The following ZNF471 variants were observed in gnomAD, a reference collection of about 807,000 sequenced individuals.
ZNF471 encodes the protein zinc finger protein 471.
Under a neutral mutation model 13.7 loss-of-function variants are expected in ZNF471, and 7 were observed. The ratio of observed to expected loss-of-function variants is 0.51; its 90% CI spans 0.29 to 0.96. The LOEUF is 0.96. ZNF471 is among the 40% of genes least tolerant of loss of function. The pLI is 0.08. For missense variants in ZNF471, 663 were observed against 743.3 expected (o/e 0.89, Z 1.26); for synonymous variants, 218 against 235.6 (o/e 0.93, Z 0.68).
intron 4 of ZNF471, among the ~76,000 whole-genome samples, chr19:56,523,114 G>A (rs1009636274): frequency 3.3e-5 from 5 of 152,180 alleles, no homozygotes; most frequent in Middle Eastern, 3.2e-3. Context: ...AAAGTTACTC[G>A]TGGTAGTAAA....
chr19:56,521,638 CAAAAAAAAAA>C (rs372849279), intron 4 of ZNF471, among the ~76,000 whole-genome samples: 2 of 82,102 alleles, frequency 2.4e-5, no homozygotes, highest in African/African-American at 4.7e-5. Context: ...GACTCTGTCT[CAAAAAAAAAA>C]AAAAAAAAAA....
intron 3 of ZNF471, among the ~76,000 whole-genome samples, chr19:56,517,298 ATT>A (rs57499065): frequency 0.27 from 27,392 of 100,420 alleles, 2,759 homozygotes; most frequent in East Asian, 0.44. Context: ...CACCCAGCTA[ATT>A]TTTTTTTTTT....
Position 56,529,494 on chromosome 19 carries a change from C to T in ZNF471, c.*3546C>T, listed in dbSNP as rs371933899. The T allele has an allele frequency of 6.6e-6, 1 of 152,240 alleles. No individual in the cohort carries two copies. Among genetic ancestry groups the T allele is most frequent in the East Asian group, 1.9e-4 (1 of 5,182 alleles). The allele number at this position is 152,240 out of a possible 1,614,324, so 9.4% of individuals were successfully genotyped here. On this transcript the variant is annotated 3_prime_UTR_variant, in exon 5 of 5. Transcript: ENST00000308031. The stretch of plus-strand genomic sequence containing the variant: ...GACAGGACTGTGTAGAAGATTTAAA[C>T]CTTTTTCATGGCGTAAGATACTGTA...
chr19:56,508,207 G>C lies in ZNF471; in HGVS notation c.-56+287G>C, dbSNP rs1373115820. 2.8e-5 allele frequency: 27 copies of C among 975,452 alleles called. No individual in the cohort carries two copies. Among genetic ancestry groups the C allele is most frequent in the Non-Finnish European group, 3.2e-5 (26 of 825,010 alleles). The allele number at this position is 975,452 out of a possible 1,614,324, so 60.4% of individuals were successfully genotyped here. A position where few individuals can be genotyped will look rare whatever the true frequency, so the allele number is the denominator to read the frequency against. On this transcript the variant is annotated intron_variant, in intron 1 of 4. Transcript: ENST00000308031. This position sits in a 1 kb window ranked among gnomAD's most constrained non-coding sequence, Gnocchi z 4.7. ...TGTAAAAGATCTGTCAGAGTGTGAG[G>C]CTCCGTGAGAGGGTGTGGTTTCTGT...
intron 3 of ZNF471, 80 bp from the exon 4 acceptor site, chr19:56,518,402 C>A: frequency 9.7e-7 from 1 of 1,025,770 alleles, no homozygotes. Flanking sequence ...TATATCATTC[C>A]ACCAGAATTA....
intron 2 of ZNF471, among the ~76,000 whole-genome samples, chr19:56,514,152 CT>C (rs1431993077): frequency 3.4e-5 from 5 of 148,384 alleles, no homozygotes; most frequent in African/African-American, 1.2e-4. Flanking sequence ...TAACCTGCCT[CT>C]CCAGTTCAAG....
rs1303566078 is a variant in ZNF471, at chr19:56,525,085, C to A, written c.1018C>A (p.His340Asn). 1 of 1,613,894 alleles carries A rather than the reference C, an allele frequency of 6.2e-7. No homozygotes were observed. Among genetic ancestry groups the A allele is most frequent in the Admixed American group, 1.7e-5 (1 of 60,012 alleles). The change falls in exon 5 of 5, where the codon CAC becomes AAC. Residue 340 changes from histidine (H) to asparagine (N), a missense_variant. Transcript: ENST00000308031. ...GSSFARHQRCHTGKRPYECIE... is the reference protein window; with the variant it reads ...GSSFARHQRCNTGKRPYECIE... ...GTCTTTTGCTCGACATCAGAGATGT[C>A]ACACTGGCAAAAGACCCTATGAATG...
intron 1 of ZNF471, among the ~76,000 whole-genome samples, chr19:56,509,525 G>A (rs990090501): frequency 6.6e-6 from 1 of 152,304 alleles, no homozygotes. Context: ...AAACAACCTG[G>A]GGTTTGCAAC....
chr19:56,512,614 A>T (rs904647361), intron 2 of ZNF471, among the ~76,000 whole-genome samples: 3 of 143,214 alleles, frequency 2.1e-5, no homozygotes, highest in African/African-American at 7.7e-5. Context: ...TATATCATGC[A>T]CTAAATTCCT....
At position 56,510,899 on chromosome 19, in the gene ZNF471, G is replaced by A. The variant is rs986347890; in HGVS notation, c.-55-618G>A. On this transcript the variant is annotated intron_variant, in intron 1 of 4. Coordinates refer to ENST00000308031, the MANE Select transcript of ZNF471 (RefSeq NM_020813.4). This position sits in a 1 kb window ranked among gnomAD's most constrained non-coding sequence, Gnocchi z 4.3. The stretch of plus-strand genomic sequence containing the variant: ...ACACCCTCACTTCTGTGTGACAGGA[G>A]GGTAATTAAGGGGCTGGGACAGAGG... 35 of 985,430 alleles carry A rather than the reference G, an allele frequency of 3.6e-5. No homozygotes were observed. The highest frequency in any genetic ancestry group is 4.0e-5 in the Non-Finnish European group (33 of 830,006). 61.0% of individuals were successfully genotyped at this position (985,430 alleles called of 1,614,324 possible).
intron 1 of ZNF471, chr19:56,509,659 G>A: frequency 6.2e-6 from 1 of 160,872 alleles, no homozygotes; most frequent in East Asian, 1.9e-4. Flanking sequence ...GGTATTCACT[G>A]GGTTGCCCTA....
chr19:56,516,498 A>G lies in ZNF471; in HGVS notation c.160+97A>G. The G allele has an allele frequency of 1.7e-6, 2 of 1,148,926 alleles. No homozygotes were observed. Among genetic ancestry groups the G allele is most frequent in the Non-Finnish European group, 2.4e-6 (2 of 823,798 alleles). The allele number at this position is 1,148,926 out of a possible 1,614,324, so 71.2% of individuals were successfully genotyped here. ...TTTATTATATGTAGGTCAGAATGGAATTTGGGAATGGAATCTGAGAAACAG... is the reference window on the plus strand; with the variant it reads ...TTTATTATATGTAGGTCAGAATGGAGTTTGGGAATGGAATCTGAGAAACAG... On this transcript the variant is annotated intron_variant, in intron 3 of 4. Coordinates refer to ENST00000308031, the MANE Select transcript of ZNF471 (RefSeq NM_020813.4). This position sits in a 1 kb window ranked among gnomAD's most constrained non-coding sequence, Gnocchi z 4.4.
Position 56,522,721 on chromosome 19 carries a change from A to G in ZNF471, c.257-1603A>G, listed in dbSNP as rs749030933. Among the ~76,000 whole-genome samples the G allele has an allele frequency of 2.0e-5, 3 of 151,616 alleles. No homozygotes were observed. Among genetic ancestry groups the G allele is most frequent in the Non-Finnish European group, 2.9e-5 (2 of 67,912 alleles). On this transcript the variant is annotated intron_variant, in intron 4 of 4. Coordinates refer to ENST00000308031, the MANE Select transcript of ZNF471 (RefSeq NM_020813.4). The surrounding 1 kb of genome is among the most constrained non-coding windows in gnomAD (Gnocchi z 4.1). ...TCTATCTATGGTAAGTGATGTAGCA[A>G]TATATTTTTTCTTTTTTTCTTTTTT...
Position 56,527,707 on chromosome 19 carries a change from A to C in ZNF471, c.*1759A>C, listed in dbSNP as rs2044064523. 6.6e-6 allele frequency: 1 copy of C among 152,210 alleles called. No individual in the cohort carries two copies. The highest frequency in any genetic ancestry group is 1.5e-5 in the Non-Finnish European group (1 of 68,044). The allele number at this position is 152,210 out of a possible 1,614,324, so 9.4% of individuals were successfully genotyped here. A position where few individuals can be genotyped will look rare whatever the true frequency, so the allele number is the denominator to read the frequency against. ...AGAAGAAAAACCTTCAGCCAGATTG[A>C]ATGCTTTACAGGGAAGAATTCATAC... is the stretch of plus-strand genomic sequence containing the variant. On this transcript the variant is annotated 3_prime_UTR_variant, in exon 5 of 5. Transcript: ENST00000308031.
chr19:56,524,985 T>C lies in ZNF471; in HGVS notation c.918T>C (p.Ala306=). ...CCTTCAGACAGCCTGCACACCTTGC[T>C]CAGCATCAGAGAATTCATACTGGAG... is the stretch of plus-strand genomic sequence containing the variant. The part of the protein sequence containing the change: ...RKAFRQPAHL[A]QHQRIHTGEK... Residue 306 remains alanine (A), a synonymous_variant, in exon 5 of 5, where the codon GCT becomes GCC. Transcript: ENST00000308031. This position sits in a 1 kb window ranked among gnomAD's most constrained non-coding sequence, Gnocchi z 4.8. 1.1e-5 allele frequency: 18 copies of C among 1,614,170 alleles called. No individual in the cohort carries two copies. Among genetic ancestry groups the C allele is most frequent in the Non-Finnish European group, 1.5e-5 (18 of 1,180,032 alleles).
chr19:56,518,896 G>C (rs1331673419), intron 4 of ZNF471, among the ~76,000 whole-genome samples: 1 of 152,038 alleles, frequency 6.6e-6, no homozygotes, highest in Non-Finnish European at 1.5e-5. Context: ...AAACTTCTAT[G>C]TTTCTTAAAT....
chr19:56,519,339 G>A (rs893614464), intron 4 of ZNF471, among the ~76,000 whole-genome samples: 3 of 152,090 alleles, frequency 2.0e-5, no homozygotes, highest in African/African-American at 7.2e-5. Flanking sequence ...TGCACTTCCT[G>A]TTTCCTCTAC....
Position 56,525,616 on chromosome 19 carries a change from T to C in ZNF471, c.1549T>C (p.Cys517Arg). ...RIHTGEKPYECIECGNAFKQR... is the reference protein window; with the variant it reads ...RIHTGEKPYERIECGNAFKQR... The stretch of plus-strand genomic sequence containing the variant: ...TCATACTGGAGAGAAGCCTTATGAA[T>C]GTATTGAATGTGGAAATGCTTTCAA... Residue 517 changes from cysteine (C) to arginine (R), a missense_variant, in exon 5 of 5, where the codon TGT (cysteine) becomes CGT (arginine). Transcript: ENST00000308031. 1.2e-6 allele frequency: 2 copies of C among 1,614,166 alleles called. No individual in the cohort carries two copies. Among genetic ancestry groups the C allele is most frequent in the Non-Finnish European group, 1.7e-6 (2 of 1,180,038 alleles).
rs761668162 is a variant in ZNF471 at position 56,525,097 on chromosome 19, AG to A, written c.1031del (p.Arg344AsnfsTer45). On this transcript the variant is annotated frameshift_variant, in exon 5 of 5. Coordinates refer to ENST00000308031, the MANE Select transcript of ZNF471 (RefSeq NM_020813.4). LOFTEE classifies it low-confidence loss of function (END_TRUNC). ...ARHQRCHTGK[R>X]PYECIECGKA... ...ACATCAGAGATGTCACACTGGCAAA[AG>A]ACCCTATGAATGTATTGAGTGTGGG... 2 of 1,614,094 alleles carry A rather than the reference AG, an allele frequency of 1.2e-6. No individual in the cohort carries two copies. The highest frequency in any genetic ancestry group is 1.7e-6 in the Non-Finnish European group (2 of 1,180,008).
Sources: allele counts gnomAD v4.1 joint callset (sites outside exome capture counted in the v4.1 genomes callset), GRCh38; gene constraint gnomAD v4.1.1; non-coding constraint Gnocchi (gnomAD v3.1); transcripts MANE v1.5; gene names NCBI Gene and HGNC (gene_info 2026-07-23, HGNC 2026-07-21).